GRIN3A: variants seen among roughly 807,000 people sequenced by gnomAD.
The protein encoded by GRIN3A is glutamate ionotropic receptor NMDA type subunit 3A, also known as glutamate receptor ionotropic, NMDA 3A.
GRIN3A carries 47 observed loss-of-function variants against 92.4 expected under a neutral mutation model. The ratio of observed to expected loss-of-function variants is 0.51; its 90% confidence interval spans 0.40 to 0.65. The LOEUF is 0.65. GRIN3A is among the 30% of genes least tolerant of loss of function. GRIN3A has a pLI of 0.00. For missense variants in GRIN3A, 1,324 were observed against 1,393.1 expected (o/e 0.95, Z 0.79); for synonymous variants, 527 against 540.6 (o/e 0.97, Z 0.35).
intron 3 of GRIN3A, among the ~76,000 whole-genome samples, chr9:101,669,086 C>A (rs1829279928): frequency 6.6e-6 from 1 of 152,088 alleles, no homozygotes; most frequent in South Asian, 2.1e-4. Context: ...TTGAACCTTT[C>A]TCCAATCTCT....
intron 7 of GRIN3A, 97 bp downstream of exon 7, chr9:101,579,099 A>T: frequency 8.0e-7 from 1 of 1,256,406 alleles, no homozygotes; most frequent in Non-Finnish European, 1.2e-6. Context: ...TTATTGTGGT[A>T]ACATAACTTA....
chr9:101,611,573 T>G (rs887023479), intron 6 of GRIN3A, among the ~76,000 whole-genome samples: 3 of 152,222 alleles, frequency 2.0e-5, no homozygotes, highest in African/African-American at 7.2e-5. Flanking sequence ...TGCTCCCCAA[T>G]GTTTTCTCAG....
At chr9:101,659,831 T>G (rs936580747) in intron 3 of GRIN3A, among the ~76,000 whole-genome samples, 4 of 151,898 alleles carry the variant, frequency 2.6e-5, no homozygotes, top group Admixed American at 1.3e-4. Context: ...TATTTGAAAG[T>G]AATACAACTG....
chr9:101,666,394 G>C (rs930125783), intron 3 of GRIN3A, among the ~76,000 whole-genome samples: 3 of 151,794 alleles, frequency 2.0e-5, no homozygotes, highest in Non-Finnish European at 4.4e-5. Flanking sequence ...ACACAGGAAG[G>C]GAAAACCAAA....
intron 1 of GRIN3A, among the ~76,000 whole-genome samples, chr9:101,717,114 A>G (rs1423044181): frequency 1.3e-5 from 2 of 152,220 alleles, no homozygotes; most frequent in African/African-American, 4.8e-5. Flanking sequence ...TGTACTGTGC[A>G]TATATGAATA....
intron 1 of GRIN3A, among the ~76,000 whole-genome samples, chr9:101,729,447 G>A (rs1402150893): frequency 6.6e-6 from 1 of 152,030 alleles, no homozygotes; most frequent in Admixed American, 6.6e-5. Context: ...TTGACTTATG[G>A]CCTCTTCTCC....
chr9:101,607,948 G>C (rs897006654), intron 6 of GRIN3A, among the ~76,000 whole-genome samples: 1 of 152,160 alleles, frequency 6.6e-6, no homozygotes, highest in African/African-American at 2.4e-5. Flanking sequence ...CTGAAGATTG[G>C]TTTCATTTAA....
intron 3 of GRIN3A, among the ~76,000 whole-genome samples, chr9:101,654,667 T>G (rs1249880284): frequency 1.3e-5 from 2 of 151,724 alleles, no homozygotes; most frequent in Non-Finnish European, 2.9e-5. Flanking sequence ...CCTCTCCTCT[T>G]TTCCTCCATA....
At chr9:101,678,394 A>G (rs1829425969) in intron 2 of GRIN3A, among the ~76,000 whole-genome samples, 2 of 152,174 alleles carry the variant, frequency 1.3e-5, no homozygotes, top group African/African-American at 4.8e-5. Context: ...GGAGTTTAAT[A>G]GGGTTTGGAA....
chr9:101,667,500 T>C (rs1570515), intron 3 of GRIN3A, among the ~76,000 whole-genome samples: 11,148 of 152,082 alleles, frequency 0.073, 545 homozygotes, highest in East Asian at 0.22. Flanking sequence ...TTTGTAACCT[T>C]CTAAGTTGCT....
intron 3 of GRIN3A, among the ~76,000 whole-genome samples, chr9:101,636,699 C>A (rs1019535625): frequency 2.0e-5 from 3 of 152,140 alleles, no homozygotes; most frequent in Non-Finnish European, 4.4e-5. Flanking sequence ...TTACTCAAAC[C>A]TAATGATAAT....
intron 3 of GRIN3A, among the ~76,000 whole-genome samples, chr9:101,638,461 T>C (rs557433224): frequency 3.3e-5 from 5 of 152,376 alleles, no homozygotes; most frequent in East Asian, 1.9e-4. Flanking sequence ...AATTGTCTTA[T>C]TGAAAATCCT....
In GRIN3A at chr9:101,664,992, C is replaced by T. The variant is rs530334392; in HGVS notation, c.2352+5068G>A. On this transcript the variant is annotated intron_variant, in intron 3 of 8. Coordinates refer to ENST00000361820, the MANE Select transcript of GRIN3A (RefSeq NM_133445.3). ...CTTGTAAGTCAATAGCTTTTTCATC[C>T]GAACATATTTTCCCATATAAATATT... Among the ~76,000 whole-genome samples the T allele has an allele frequency of 6.7e-4, 101 of 151,752 alleles. 3 individuals are homozygous for T. Among genetic ancestry groups the T allele is most frequent in the African/African-American group, 2.3e-3 (94 of 41,410 alleles).
In GRIN3A at chr9:101,685,793, T is replaced by C. The variant is rs1216281715; in HGVS notation, c.1304+803A>G. The stretch of plus-strand genomic sequence containing the variant: ...TGGAACTCTTAGTTCTATTAATGTA[T>C]CCTGTTTGTCTACTACCAATCTATC... On this transcript the variant is annotated intron_variant, in intron 2 of 8. Coordinates refer to ENST00000361820, the MANE Select transcript of GRIN3A (RefSeq NM_133445.3). Among the ~76,000 whole-genome samples, 3 of 151,760 alleles carry C rather than the reference T, an allele frequency of 2.0e-5. No homozygotes were observed. In the East Asian group the frequency reaches 5.8e-4, roughly 29 times the overall value.
At chr9:101,605,889 G>A (rs987494052) in intron 6 of GRIN3A, among the ~76,000 whole-genome samples, 13 of 152,134 alleles carry the variant, frequency 8.5e-5, no homozygotes, top group Admixed American at 8.5e-4. Context: ...CAATAACAAC[G>A]GAGGAGATCC....
intron 4 of GRIN3A, among the ~76,000 whole-genome samples, chr9:101,625,101 A>G (rs1828613333): frequency 6.6e-6 from 1 of 152,184 alleles, no homozygotes; most frequent in Admixed American, 6.5e-5. Flanking sequence ...TGGGAACCAG[A>G]ACTCTGTATT....
At chr9:101,691,164 G>T (rs1453411905) in intron 1 of GRIN3A, among the ~76,000 whole-genome samples, 1 of 152,128 alleles carries the variant, frequency 6.6e-6, no homozygotes, top group Non-Finnish European at 1.5e-5. Context: ...ACATTTACTA[G>T]TCAATAAGGA....
chr9:101,581,506 C>G (rs1288599001), intron 6 of GRIN3A, among the ~76,000 whole-genome samples: 1 of 151,964 alleles, frequency 6.6e-6, no homozygotes, highest in Non-Finnish European at 1.5e-5. Flanking sequence ...TAGCTAGTCC[C>G]TTTTGTTGCC....
At chr9:101,602,212 T>C (rs1384711949) in intron 6 of GRIN3A, among the ~76,000 whole-genome samples, 1 of 152,170 alleles carries the variant, frequency 6.6e-6, no homozygotes, top group Non-Finnish European at 1.5e-5. Flanking sequence ...TGGGGAGGAA[T>C]TGTCCTCAGA....
Sources: allele counts gnomAD v4.1 joint callset (sites outside exome capture counted in the v4.1 genomes callset), GRCh38; gene constraint gnomAD v4.1.1; transcripts MANE v1.5; gene names NCBI Gene and HGNC (gene_info 2026-07-23, HGNC 2026-07-21).